Variants in OXR1 observed in about 807,000 individuals in gnomAD.
OXR1 encodes oxidation resistance protein 1.
In OXR1, 41 loss-of-function variants were observed where a neutral mutation model predicts 104.6. That is an observed-to-expected ratio of 0.39 (90% CI 0.31 to 0.51). The LOEUF is 0.51. OXR1 is among the 20% of genes least tolerant of loss of function. The pLI is 0.77. For synonymous variants in OXR1, 348 were observed against 348.4 expected, an observed-to-expected ratio of 1.00 and a Z score of 0.01; for missense variants, 955 against 1,031.9, an observed-to-expected ratio of 0.93 and a Z score of 1.02.
chr8:106,382,729 G>T (rs1817206165), intron 2 of OXR1, among the ~76,000 whole-genome samples: 1 of 147,432 alleles, frequency 6.8e-6, no homozygotes, highest in Non-Finnish European at 1.5e-5. Flanking sequence ...AGAAGTTAGG[G>T]GGACAGGGGG....
At chr8:106,665,550 G>A (rs1427975524) in intron 3 of OXR1, among the ~76,000 whole-genome samples, 1 of 152,166 alleles carries the variant, frequency 6.6e-6, no homozygotes, top group Non-Finnish European at 1.5e-5. Context: ...CTTAGAAAGT[G>A]TTAAAATTTG....
At chr8:106,576,529 G>A (rs1817853770) in intron 3 of OXR1, among the ~76,000 whole-genome samples, 1 of 149,802 alleles carries the variant, frequency 6.7e-6, no homozygotes, top group Non-Finnish European at 1.5e-5. Context: ...AGAAGACCTG[G>A]GAAAGTTATC....
intron 3 of OXR1, among the ~76,000 whole-genome samples, chr8:106,563,518 A>G (rs11986371): frequency 0.5 from 75,978 of 151,878 alleles, 19,209 homozygotes; most frequent in African/African-American, 0.53. Flanking sequence ...AAAAGAGACT[A>G]AGACTCCCAC....
chr8:106,697,323 C>G (rs550210457), intron 7 of OXR1: 2 of 904,970 alleles, frequency 2.2e-6, no homozygotes, highest in East Asian at 4.8e-5. Flanking sequence ...CAGAAGGGAG[C>G]TTAAGAGCTC....
intron 4 of OXR1, among the ~76,000 whole-genome samples, chr8:106,682,869 C>T (rs141253359): frequency 6.6e-6 from 1 of 152,192 alleles, no homozygotes; most frequent in African/African-American, 2.4e-5. Context: ...ATTTTAGAAA[C>T]TATTCAAAGG....
chr8:106,690,686 CA>C (rs938285313), intron 6 of OXR1, among the ~76,000 whole-genome samples: 2 of 151,054 alleles, frequency 1.3e-5, no homozygotes, highest in African/African-American at 4.9e-5. Flanking sequence ...TGATTTTAAA[CA>C]TTCTTAAGTT....
intron 2 of OXR1, among the ~76,000 whole-genome samples, chr8:106,401,201 A>G (rs951894346): frequency 3.9e-5 from 6 of 152,154 alleles, no homozygotes; most frequent in African/African-American, 1.2e-4. Flanking sequence ...TGTACTGCTC[A>G]AAGTTCTGCC....
In OXR1 at chr8:106,751,712, T is replaced by C. The variant is rs572226471; in HGVS notation, c.*771T>C. On this transcript the variant is annotated 3_prime_UTR_variant, in exon 17 of 17. Coordinates refer to ENST00000517566, the MANE Select transcript of OXR1 (RefSeq NM_001198533.2). ...AGCAAGAAAACATACTATTTACATA[T>C]GTGTAGCTTAGTAAGGCATTAACAT... 1 of 152,696 alleles carries C rather than the reference T, an allele frequency of 6.5e-6. No individual in the cohort carries two copies. The highest frequency in any genetic ancestry group is 1.5e-5 in the Non-Finnish European group (1 of 67,974). 9.5% of individuals were successfully genotyped at this position (152,696 alleles called of 1,614,324 possible). A position where few individuals can be genotyped will look rare whatever the true frequency, so the allele number is the denominator to read the frequency against.
At chr8:106,390,541 A>G (rs929883663) in intron 2 of OXR1, among the ~76,000 whole-genome samples, 4 of 152,174 alleles carry the variant, frequency 2.6e-5, no homozygotes, top group Non-Finnish European at 4.4e-5. Context: ...AATTTTTCCA[A>G]CGTCACACAG....
intron 2 of OXR1, among the ~76,000 whole-genome samples, chr8:106,481,552 T>C (rs1822117691): frequency 6.6e-6 from 1 of 152,004 alleles, no homozygotes; most frequent in Non-Finnish European, 1.5e-5. Flanking sequence ...GAGGAAAAGA[T>C]GAAGCATCTT....
intron 2 of OXR1, among the ~76,000 whole-genome samples, chr8:106,433,675 C>T (rs760130571): frequency 6.6e-6 from 1 of 152,128 alleles, no homozygotes; most frequent in Non-Finnish European, 1.5e-5. Flanking sequence ...TAATGTTCTC[C>T]GTTACAATTT....
chr8:106,698,218 C>G (rs1266869267), intron 7 of OXR1, among the ~76,000 whole-genome samples: 2 of 152,292 alleles, frequency 1.3e-5, no homozygotes, highest in Non-Finnish European at 2.9e-5. Flanking sequence ...TAAAAATTTA[C>G]TCCATTGTTT....
At chr8:106,383,474 A>G (rs533829703) in intron 2 of OXR1, among the ~76,000 whole-genome samples, 2 of 152,182 alleles carry the variant, frequency 1.3e-5, no homozygotes, top group African/African-American at 2.4e-5. Context: ...TCATTGCCTC[A>G]TTTGAAATAC....
intron 2 of OXR1, among the ~76,000 whole-genome samples, chr8:106,510,508 G>A (rs571453683): frequency 3.9e-5 from 6 of 152,252 alleles, no homozygotes; most frequent in South Asian, 2.1e-4. Flanking sequence ...AAATGCTAAC[G>A]TTTTATGTTA....
At chr8:106,382,687 T>TG (rs1817200277) in intron 2 of OXR1, among the ~76,000 whole-genome samples, 1 of 136,108 alleles carries the variant, frequency 7.3e-6, no homozygotes, top group South Asian at 2.2e-4. Flanking sequence ...TATAGGTTTT[T>TG]TTTTTTTTTT....
intron 3 of OXR1, among the ~76,000 whole-genome samples, chr8:106,585,567 G>C (rs1586850610): frequency 6.6e-6 from 1 of 152,160 alleles, no homozygotes; most frequent in East Asian, 1.9e-4. Context: ...TTACATATCA[G>C]CAGAAGGCAA....
At chr8:106,359,256 T>C (rs1486725118) in intron 1 of OXR1, among the ~76,000 whole-genome samples, 1 of 152,152 alleles carries the variant, frequency 6.6e-6, no homozygotes, top group African/African-American at 2.4e-5. Context: ...TAACATTTTA[T>C]TAACTGTTCA....
In OXR1 at chr8:106,739,660, T is replaced by C. The variant is rs1834747476; in HGVS notation, c.2163+77T>C. ...GAGTAAAACAGCCTCTTTTTAGTTG[T>C]TTCTGAAGCAACAGCGTTAATGCTA... On this transcript the variant is annotated intron_variant, in intron 13 of 16. Coordinates refer to ENST00000517566, the MANE Select transcript of OXR1 (RefSeq NM_001198533.2). The C allele has an allele frequency of 2.8e-6, 4 of 1,416,220 alleles. No homozygotes were observed. In the African/African-American group the frequency reaches 4.3e-5, roughly 15 times the overall value. 87.7% of individuals were successfully genotyped at this position (1,416,220 alleles called of 1,614,324 possible).
In OXR1 at chr8:106,710,998, G is replaced by A. The variant is rs576901553; in HGVS notation, c.1793+208G>A. 8.5e-5 allele frequency among the ~76,000 whole-genome samples: 13 copies of A among 152,134 alleles called. No homozygotes were observed. In the South Asian group the frequency reaches 2.5e-3, roughly 29 times the overall value. ...CTTTTGTAGTTTATTATTTAAAAAT[G>A]TGAACAAATATCCAATTTGGGTAGT... On this transcript the variant is annotated intron_variant, in intron 10 of 16. Coordinates refer to ENST00000517566, the MANE Select transcript of OXR1 (RefSeq NM_001198533.2).
Sources: gnomAD v4.1 joint callset for allele counts (sites outside exome capture counted in the v4.1 genomes callset) on GRCh38, gnomAD v4.1.1 for gene constraint, MANE v1.5 for transcripts, NCBI Gene and HGNC (gene_info 2026-07-23, HGNC 2026-07-21) for gene names.